Variants in GRIK2 observed in about 807,000 individuals in gnomAD.
GRIK2 encodes the protein glutamate ionotropic receptor kainate type subunit 2.
Under a neutral mutation model 100.3 loss-of-function variants are expected in GRIK2, and 32 were observed. The ratio of observed to expected loss-of-function variants is 0.32; its 90% CI spans 0.24 to 0.43. The LOEUF is 0.43. Ranked by LOEUF, GRIK2 falls within the 20% of genes least tolerant of loss-of-function variation. The probability of loss-of-function intolerance (pLI) is 1.00; values close to 1 mark genes in which losing one functional copy is unlikely to be tolerated. For missense variants in GRIK2, 843 were observed against 1,114.9 expected, an observed-to-expected ratio of 0.76 and a Z score of 3.47; for synonymous variants, 417 against 389.4, an observed-to-expected ratio of 1.07 and a Z score of -0.83.
At chr6:101,628,542 A>G (rs1582853674) in intron 4 of GRIK2, among the ~76,000 whole-genome samples, 1 of 151,998 alleles carries the variant, frequency 6.6e-6, no homozygotes, top group African/African-American at 2.4e-5. Flanking sequence ...CCAATTTTGA[A>G]TGTCAGGTTC....
chr6:102,049,869 T>G (rs1425215506), intron 15 of GRIK2, among the ~76,000 whole-genome samples: 1 of 152,136 alleles, frequency 6.6e-6, no homozygotes, highest in Non-Finnish European at 1.5e-5. Flanking sequence ...ATAATGCAAT[T>G]TCAGCATGTT....
At chr6:101,626,142 A>C (rs544428850) in intron 3 of GRIK2, among the ~76,000 whole-genome samples, 10 of 152,276 alleles carry the variant, frequency 6.6e-5, no homozygotes, top group African/African-American at 1.9e-4. Flanking sequence ...CCCTCCCCTG[A>C]CATTATTTAT....
At chr6:101,434,967 T>G (rs1769630448) in intron 2 of GRIK2, among the ~76,000 whole-genome samples, 1 of 152,114 alleles carries the variant, frequency 6.6e-6, no homozygotes, top group African/African-American at 2.4e-5. Context: ...GAAAAGAAAA[T>G]TCTATCCAGA....
chr6:102,064,333 CCTTT>C (rs779965201), intron 16 of GRIK2, among the ~76,000 whole-genome samples: 3 of 147,938 alleles, frequency 2.0e-5, no homozygotes, highest in African/African-American at 2.5e-5. Flanking sequence ...CCTTTCCTTT[CCTTT>C]CTTTCCTTTC....
At chr6:101,726,063 T>C (rs913787221) in intron 7 of GRIK2, among the ~76,000 whole-genome samples, 1 of 151,986 alleles carries the variant, frequency 6.6e-6, no homozygotes, top group Non-Finnish European at 1.5e-5. Flanking sequence ...TTCAGGACTT[T>C]TAAAACCTCA....
At chr6:101,788,174 CTA>C (rs762737516) in intron 7 of GRIK2, among the ~76,000 whole-genome samples, 3 of 151,570 alleles carry the variant, frequency 2.0e-5, no homozygotes, top group Non-Finnish European at 4.4e-5. Context: ...TACTTTCTGT[CTA>C]TATGTGTCTT....
chr6:101,837,137 T>G (rs939892237), intron 10 of GRIK2, among the ~76,000 whole-genome samples: 1 of 152,196 alleles, frequency 6.6e-6, no homozygotes, highest in Non-Finnish European at 1.5e-5. Context: ...ATCTGACGGT[T>G]AGACTTCCAA....
At chr6:101,479,415 C>T (rs1251451144) in intron 2 of GRIK2, among the ~76,000 whole-genome samples, 5 of 151,976 alleles carry the variant, frequency 3.3e-5, no homozygotes, top group Non-Finnish European at 7.4e-5. Context: ...AAAAACCAGC[C>T]TAATCATTTA....
In GRIK2 at chr6:101,892,452, A is replaced by G. The variant is rs549202218; in HGVS notation, c.1748+2589A>G. Among the ~76,000 whole-genome samples the G allele has an allele frequency of 2.6e-5, 4 of 152,234 alleles. No homozygotes were observed. In the East Asian group the frequency reaches 7.7e-4, roughly 29 times the overall value. On this transcript the variant is annotated intron_variant, in intron 12 of 16. Coordinates refer to ENST00000369134, the MANE Select transcript of GRIK2 (RefSeq NM_021956.5). ...CATCTGTATAATTATGGTAATCTGT[A>G]CTGATTTTACGTGAAAGAAATTCAA...
At chr6:101,788,665 A>G (rs1263195017) in intron 7 of GRIK2, among the ~76,000 whole-genome samples, 1 of 152,202 alleles carries the variant, frequency 6.6e-6, no homozygotes, top group East Asian at 1.9e-4. Flanking sequence ...GTGCTGCAAT[A>G]AACATACATG....
rs370241149 is a variant in GRIK2, at chr6:101,909,371, G to GTTTTTTTTTTTTTTTTTTTTTTTTTTTT, written c.1749-15226_1749-15225insTTTTTTTTTTTTTTTTTTTTTTTTTTTT. 3.6e-5 allele frequency among the ~76,000 whole-genome samples: 3 copies of GTTTTTTTTTTTTTTTTTTTTTTTTTTTT among 83,536 alleles called. 1 individual carries two copies. Among genetic ancestry groups the GTTTTTTTTTTTTTTTTTTTTTTTTTTTT allele is most frequent in the Non-Finnish European group, 4.7e-5 (2 of 43,010 alleles). 54.8% of individuals were successfully genotyped at this position (83,536 alleles called of 152,430 possible). On this transcript the variant is annotated intron_variant, in intron 12 of 16. Transcript: ENST00000369134. ...TTTTTGGATGCTGAAGGAAGATAGGGTTTTCTTTTTCTTTTTTTTTTTTTT... is the reference window on the plus strand; with the variant it reads ...TTTTTGGATGCTGAAGGAAGATAGGGTTTTTTTTTTTTTTTTTTTTTTTTTTTTTTTTCTTTTTCTTTTTTTTTTTTTT...
chr6:101,832,163 CTT>C (rs1782740964), intron 10 of GRIK2, among the ~76,000 whole-genome samples: 1 of 152,042 alleles, frequency 6.6e-6, no homozygotes, highest in Non-Finnish European at 1.5e-5. Context: ...TTCTGCATTT[CTT>C]TTTATATAAT....
At chr6:101,528,685 A>G (rs1195213984) in intron 2 of GRIK2, among the ~76,000 whole-genome samples, 1 of 152,186 alleles carries the variant, frequency 6.6e-6, no homozygotes, top group Non-Finnish European at 1.5e-5. Flanking sequence ...GTTCAATTAG[A>G]ACTGAACAGA....
chr6:101,815,740 A>C (rs1028542324), intron 9 of GRIK2, among the ~76,000 whole-genome samples: 1 of 152,192 alleles, frequency 6.6e-6, no homozygotes, highest in African/African-American at 2.4e-5. Context: ...AAAACAAAAC[A>C]AAACCTCTGG....
chr6:102,031,663 A>G (rs1582755548), intron 14 of GRIK2, among the ~76,000 whole-genome samples: 1 of 151,166 alleles, frequency 6.6e-6, no homozygotes, highest in South Asian at 2.1e-4. Context: ...TGCTATCTTT[A>G]TGTCCGTGAA....
intron 2 of GRIK2, among the ~76,000 whole-genome samples, chr6:101,480,628 G>A (rs1055545668): frequency 3.3e-5 from 5 of 152,056 alleles, no homozygotes; most frequent in Admixed American, 2.0e-4. Context: ...AAATCCTTGT[G>A]CCAGCTGTTA....
intron 2 of GRIK2, among the ~76,000 whole-genome samples, chr6:101,547,454 T>A (rs1441657052): frequency 6.6e-6 from 1 of 152,206 alleles, no homozygotes; most frequent in Non-Finnish European, 1.5e-5. Context: ...TATCTCCTAA[T>A]GCTATCCTTC....
At chr6:101,635,450 G>A (rs1255154751) in intron 4 of GRIK2, among the ~76,000 whole-genome samples, 1 of 152,120 alleles carries the variant, frequency 6.6e-6, no homozygotes, top group South Asian at 2.1e-4. Flanking sequence ...CATGGGCAAA[G>A]ATTTCATGAC....
At chr6:101,404,065 A>G (rs1314301814) in intron 2 of GRIK2, among the ~76,000 whole-genome samples, 2 of 152,244 alleles carry the variant, frequency 1.3e-5, no homozygotes, top group African/African-American at 2.4e-5. Flanking sequence ...ACCCAGATAC[A>G]TGAAACTCAA....
Sources: allele counts gnomAD v4.1 joint callset (sites outside exome capture counted in the v4.1 genomes callset), GRCh38; gene constraint gnomAD v4.1.1; transcripts MANE v1.5; gene names NCBI Gene and HGNC (gene_info 2026-07-23, HGNC 2026-07-21).